The following RBFOX1 variants were observed in gnomAD, a reference collection of about 807,000 sequenced individuals.
RBFOX1 encodes the protein RNA binding protein fox-1 homolog 1.
In RBFOX1, 8 loss-of-function variants were observed where a neutral mutation model predicts 57.7. That is an observed-to-expected ratio of 0.14 (90% CI 0.08 to 0.25). RBFOX1 has a LOEUF of 0.25. Ranked by LOEUF, RBFOX1 falls within the 10% of genes least tolerant of loss-of-function variation. The pLI is 1.00. For missense variants in RBFOX1, 611 were observed against 548.5 expected (o/e 1.11, Z -1.14); for synonymous variants, 326 against 222.4 (o/e 1.47, Z -4.15).
chr16:6,416,788 A>G (rs961046127), intron 2 of RBFOX1, among the ~76,000 whole-genome samples: 1 of 152,188 alleles, frequency 6.6e-6, no homozygotes, highest in Non-Finnish European at 1.5e-5. Context: ...ACACGGATAC[A>G]TCAAACAGGT....
intron 1 of RBFOX1, chr16:5,366,594 A>G (rs1433729546): frequency 2.6e-6 from 1 of 388,490 alleles, no homozygotes; most frequent in East Asian, 6.8e-5. Flanking sequence ...CTTTTCCCAG[A>G]GAGGAAGCAA....
At chr16:6,691,456 CCTTTTT>C (rs1047915397) in intron 3 of RBFOX1, among the ~76,000 whole-genome samples, 1 of 123,902 alleles carries the variant, frequency 8.1e-6, no homozygotes, top group African/African-American at 2.5e-5. Flanking sequence ...ACCATCTATT[CCTTTTT>C]CTTTATTTTT....
intron 2 of RBFOX1, among the ~76,000 whole-genome samples, chr16:6,492,424 C>T (rs960184168): frequency 6.6e-6 from 1 of 152,028 alleles, no homozygotes; most frequent in Non-Finnish European, 1.5e-5. Context: ...AAAAATTTGC[C>T]AGGCTTGGTG....
chr16:6,564,407 C>G (rs918241053), intron 2 of RBFOX1, among the ~76,000 whole-genome samples: 1 of 152,108 alleles, frequency 6.6e-6, no homozygotes, highest in Admixed American at 6.5e-5. Context: ...TTGCAGTGAG[C>G]CGAGATCGTG....
At chr16:6,244,381 A>G (rs551366125) in intron 1 of RBFOX1, among the ~76,000 whole-genome samples, 1 of 152,300 alleles carries the variant, frequency 6.6e-6, no homozygotes, top group Non-Finnish European at 1.5e-5. Context: ...CAGGGAGATC[A>G]GAGAGTCCAC....
intron 4 of RBFOX1, among the ~76,000 whole-genome samples, chr16:7,208,655 G>C (rs1457435579): frequency 1.3e-5 from 2 of 152,108 alleles, no homozygotes; most frequent in Non-Finnish European, 2.9e-5. Flanking sequence ...GGGCAACATA[G>C]CAAGACCGTA....
At chr16:6,579,034 C>T (rs182184673) in intron 2 of RBFOX1, among the ~76,000 whole-genome samples, 2 of 151,968 alleles carry the variant, frequency 1.3e-5, no homozygotes, top group African/African-American at 2.4e-5. Context: ...TTCCCAAAAC[C>T]TATGAAAATA....
At chr16:6,478,416 TATATATATATATA>T (rs1421484449) in intron 2 of RBFOX1, among the ~76,000 whole-genome samples, 2,101 of 24,080 alleles carry the variant, frequency 0.087, 94 homozygotes, top group East Asian at 0.15. Context: ...TATATATATA[TATATATATATATA>T]TTTTTTTTTT....
chr16:7,465,739 C>T (rs1397307986), intron 4 of RBFOX1, among the ~76,000 whole-genome samples: 2 of 152,154 alleles, frequency 1.3e-5, no homozygotes, highest in Non-Finnish European at 2.9e-5. Flanking sequence ...GTGGGTCCCT[C>T]TTCAAGCCGA....
intron 1 of RBFOX1, among the ~76,000 whole-genome samples, chr16:6,055,590 CAA>C (rs35872547): frequency 8.5e-4 from 56 of 65,572 alleles, no homozygotes; most frequent in African/African-American, 2.0e-3. Flanking sequence ...GAGACTCCGT[CAA>C]AAAAAAAAAA....
intron 4 of RBFOX1, among the ~76,000 whole-genome samples, chr16:7,202,213 A>T (rs913426294): frequency 1.3e-5 from 2 of 152,114 alleles, no homozygotes; most frequent in Non-Finnish European, 2.9e-5. Context: ...ATGAAAAAAG[A>T]TGCTCAACAT....
At chr16:5,951,293 C>A (rs1447001259) in intron 4 of RBFOX1, among the ~76,000 whole-genome samples, 1 of 151,936 alleles carries the variant, frequency 6.6e-6, no homozygotes, top group African/African-American at 2.4e-5. Context: ...ACTAAAAATA[C>A]AAAAATTACC....
intron 2 of RBFOX1, among the ~76,000 whole-genome samples, chr16:6,542,081 A>G (rs1016719869): frequency 1.3e-5 from 2 of 151,988 alleles, no homozygotes; most frequent in African/African-American, 4.8e-5. Flanking sequence ...GGTGTGCACC[A>G]TCACACAGAG....
chr16:7,367,280 AAGAGTGCAGTTC>A (rs2097472755), intron 4 of RBFOX1, among the ~76,000 whole-genome samples: 1 of 152,186 alleles, frequency 6.6e-6, no homozygotes, highest in Non-Finnish European at 1.5e-5. Context: ...TTTTGAGATA[AAGAGTGCAGTTC>A]AGTTTGTAGT....
At chr16:7,706,648 TAACAAACTCTCA>T (rs1272136049) in intron 14 of RBFOX1, among the ~76,000 whole-genome samples, 2 of 152,328 alleles carry the variant, frequency 1.3e-5, no homozygotes, top group East Asian at 3.9e-4. Context: ...TAACATCACT[TAACAAACTCTCA>T]AGGATTTCAG....
intron 1 of RBFOX1, among the ~76,000 whole-genome samples, chr16:5,286,804 C>T (rs1301769618): frequency 1.3e-5 from 2 of 152,172 alleles, no homozygotes; most frequent in Non-Finnish European, 2.9e-5. Flanking sequence ...AGCCTAAAAG[C>T]ATATGTAGAC....
chr16:6,450,759 ATATATGTG>A (rs1278005498), intron 2 of RBFOX1, among the ~76,000 whole-genome samples: 36 of 44,908 alleles, frequency 8.0e-4, no homozygotes, highest in African/African-American at 3.6e-3. Flanking sequence ...ATATACATAT[ATATATGTG>A]TATATATATA....
chr16:7,017,039 G>T (rs899899324), intron 3 of RBFOX1, among the ~76,000 whole-genome samples: 2 of 152,006 alleles, frequency 1.3e-5, no homozygotes, highest in Admixed American at 6.6e-5. Flanking sequence ...TCATCCTTCA[G>T]CCTCTTTCTC....
intron 5 of RBFOX1, among the ~76,000 whole-genome samples, chr16:7,547,414 T>G (rs1443833104): frequency 1.3e-5 from 2 of 152,212 alleles, no homozygotes; most frequent in Non-Finnish European, 2.9e-5. Flanking sequence ...CCTTGCCTTC[T>G]GTTATATGCC....
Sources: allele counts gnomAD v4.1 joint callset (sites outside exome capture counted in the v4.1 genomes callset), GRCh38; gene constraint gnomAD v4.1.1; transcripts MANE v1.5; gene names NCBI Gene and HGNC (gene_info 2026-07-23, HGNC 2026-07-21).